The following EXOC2 variants were observed in gnomAD, a reference collection of about 807,000 sequenced individuals.
EXOC2 encodes the protein SEC5-like 1.
In EXOC2, 70 loss-of-function variants were observed where a neutral mutation model predicts 131.8. The observed-to-expected ratio is 0.53, with a 90% CI of 0.44 to 0.65. The LOEUF (loss-of-function observed/expected upper bound fraction) is 0.65, where lower values mean the gene tolerates loss of function less well. Ranked by LOEUF, EXOC2 falls within the 30% of genes least tolerant of loss-of-function variation. The probability of loss-of-function intolerance (pLI) is 0.00; values close to 1 mark genes in which losing one functional copy is unlikely to be tolerated. For synonymous variants in EXOC2, 411 were observed against 398.4 expected (o/e 1.03, Z -0.38); for missense variants, 923 against 1,108.6 (o/e 0.83, Z 2.38).
At chr6:489,402 G>C (rs1384510671) in intron 26 of EXOC2, among the ~76,000 whole-genome samples, 1 of 152,220 alleles carries the variant, frequency 6.6e-6, no homozygotes, top group East Asian at 1.9e-4. Context: ...GTTACTCTAA[G>C]AAATGGGGAT....
chr6:607,353 C>T (rs1760474215), intron 7 of EXOC2, among the ~76,000 whole-genome samples: 1 of 152,180 alleles, frequency 6.6e-6, no homozygotes, highest in Admixed American at 6.5e-5. Context: ...ATCTTCTGGG[C>T]TTTAGTTTTT....
intron 6 of EXOC2, among the ~76,000 whole-genome samples, chr6:613,823 T>C (rs1179153694): frequency 6.6e-6 from 1 of 152,122 alleles, no homozygotes. Flanking sequence ...ATGGCACATG[T>C]ATACATATGT....
At chr6:586,814 G>A (rs1759235153) in intron 11 of EXOC2, among the ~76,000 whole-genome samples, 1 of 152,136 alleles carries the variant, frequency 6.6e-6, no homozygotes. Flanking sequence ...CTCAGGATAC[G>A]GAGGACGTGT....
intron 1 of EXOC2, among the ~76,000 whole-genome samples, chr6:654,231 T>G (rs1581634626): frequency 6.6e-6 from 1 of 152,228 alleles, no homozygotes; most frequent in East Asian, 1.9e-4. Flanking sequence ...CTTGCAAGTC[T>G]TATTATTTCA....
chr6:569,545 T>C (rs1200941279), intron 13 of EXOC2, among the ~76,000 whole-genome samples: 4 of 152,224 alleles, frequency 2.6e-5, no homozygotes. Context: ...TAAATAGCTA[T>C]CAAAAGCCCC....
At chr6:552,670 A>G (rs796272535) in intron 21 of EXOC2, among the ~76,000 whole-genome samples, 3 of 152,282 alleles carry the variant, frequency 2.0e-5, no homozygotes, top group African/African-American at 4.8e-5. Context: ...GTTTTCCCTG[A>G]ATTTCTGTCT....
intron 6 of EXOC2, among the ~76,000 whole-genome samples, chr6:613,328 G>A (rs1043142547): frequency 2.0e-5 from 3 of 152,076 alleles, no homozygotes; most frequent in South Asian, 4.1e-4. Flanking sequence ...AAAACTTAAG[G>A]ATGAACAAAA....
chr6:692,100 C>T (rs1009084927), intron 1 of EXOC2, among the ~76,000 whole-genome samples: 2 of 152,156 alleles, frequency 1.3e-5, no homozygotes, highest in Non-Finnish European at 2.9e-5. Context: ...TCAGAAGTAA[C>T]TTTTCAATAT....
chr6:529,350 C>T (rs1269445334), intron 23 of EXOC2, among the ~76,000 whole-genome samples: 2 of 152,232 alleles, frequency 1.3e-5, no homozygotes, highest in African/African-American at 4.8e-5. Flanking sequence ...TCGGCATACA[C>T]TAAAGATGCC....
chr6:626,619 T>A (rs1761582049), intron 4 of EXOC2, among the ~76,000 whole-genome samples: 2 of 151,966 alleles, frequency 1.3e-5, no homozygotes, highest in African/African-American at 4.8e-5. Context: ...TGAGACAGAC[T>A]CTCACTCTGT....
intron 7 of EXOC2, among the ~76,000 whole-genome samples, chr6:607,726 AAC>A (rs1212901286): frequency 7.9e-5 from 12 of 152,258 alleles, no homozygotes; most frequent in Non-Finnish European, 1.6e-4. Flanking sequence ...AACAGGTAAG[AAC>A]ACAGAGTTGA....
chr6:534,299 A>G (rs569691413), intron 22 of EXOC2, among the ~76,000 whole-genome samples: 6 of 152,344 alleles, frequency 3.9e-5, no homozygotes, highest in African/African-American at 1.4e-4. Context: ...AACTGGATCT[A>G]AAGAAAGACC....
At chr6:649,293 T>G (rs1267473596) in intron 1 of EXOC2, among the ~76,000 whole-genome samples, 1 of 152,222 alleles carries the variant, frequency 6.6e-6, no homozygotes, top group Admixed American at 6.5e-5. Flanking sequence ...GAACTTTTAT[T>G]AGGTCAGATT....
At chr6:538,477 A>G (rs1254756465) in intron 22 of EXOC2, among the ~76,000 whole-genome samples, 1 of 152,218 alleles carries the variant, frequency 6.6e-6, no homozygotes, top group Non-Finnish European at 1.5e-5. Flanking sequence ...TCAGTCTTAT[A>G]AAGTGATGTG....
At chr6:552,884 C>A (rs556301233) in intron 21 of EXOC2, among the ~76,000 whole-genome samples, 6 of 152,108 alleles carry the variant, frequency 3.9e-5, no homozygotes, top group Admixed American at 1.3e-4. Context: ...ACACACCCCC[C>A]CTTCAAACTC....
chr6:629,160 C>T (rs1761723161), intron 4 of EXOC2, among the ~76,000 whole-genome samples: 1 of 152,172 alleles, frequency 6.6e-6, no homozygotes, highest in African/African-American at 2.4e-5. Flanking sequence ...GCTAATTTGT[C>T]ACTTTTGGTA....
At chr6:550,427 T>C (rs1464662763) in intron 21 of EXOC2, among the ~76,000 whole-genome samples, 1 of 152,218 alleles carries the variant, frequency 6.6e-6, no homozygotes, top group Non-Finnish European at 1.5e-5. Flanking sequence ...AATGTTCCCA[T>C]CTTTATTTCT....
chr6:684,079 G>C (rs1175076158), intron 1 of EXOC2, among the ~76,000 whole-genome samples: 2 of 151,186 alleles, frequency 1.3e-5, no homozygotes, highest in Non-Finnish European at 2.9e-5. Context: ...CTGAGCGGGA[G>C]ACCACACACT....
chr6:549,145 G>A (rs373381751), intron 22 of EXOC2, 30 bp downstream of exon 22: 23 of 1,567,582 alleles, frequency 1.5e-5, no homozygotes, highest in Middle Eastern at 3.3e-4. Flanking sequence ...TAAAACCACC[G>A]ACTTGTGCGT....
Sources: allele counts gnomAD v4.1 joint callset (sites outside exome capture counted in the v4.1 genomes callset), GRCh38; gene constraint gnomAD v4.1.1; transcripts MANE v1.5; gene names NCBI Gene and HGNC (gene_info 2026-07-23, HGNC 2026-07-21).